The following PKD1L3 variants were observed in gnomAD, a reference collection of about 807,000 sequenced individuals.
PKD1L3 encodes the protein polycystin 1 like 3, transient receptor potential channel interacting, also known as polycystin-1-like protein 3.
In PKD1L3, 239 loss-of-function variants were observed where a neutral mutation model predicts 184.1. That is an observed-to-expected ratio of 1.30 (90% CI 1.17 to 1.45). The LOEUF (loss-of-function observed/expected upper bound fraction) is 1.45. Ranked by LOEUF, PKD1L3 falls within the 40% of genes most tolerant of loss-of-function variation. The probability of loss-of-function intolerance (pLI) is 0.00; values close to 1 mark genes in which losing one functional copy is unlikely to be tolerated. For missense variants in PKD1L3, 2,660 were observed against 2,067.2 expected (o/e 1.29, Z -5.56); for synonymous variants, 996 against 778.8 (o/e 1.28, Z -4.64).
intron 5 of PKD1L3, among the ~76,000 whole-genome samples, chr16:71,985,171 A>G (rs2040308651): frequency 6.6e-6 from 1 of 152,192 alleles, no homozygotes; most frequent in South Asian, 2.1e-4. Flanking sequence ...CCTTTTAGAT[A>G]TTCTGTACTT....
intron 21 of PKD1L3, among the ~76,000 whole-genome samples, chr16:71,949,435 C>T (rs2038744563): frequency 6.6e-6 from 1 of 151,418 alleles, no homozygotes; most frequent in African/African-American, 2.4e-5. Flanking sequence ...TTACTGCAGC[C>T]TCGACCTCCT....
intron 14 of PKD1L3, 55 bp from the exon 15 acceptor site, chr16:71,967,370 G>C (rs772348820): frequency 1.4e-5 from 21 of 1,477,026 alleles, no homozygotes; most frequent in Non-Finnish European, 1.6e-5. Flanking sequence ...AATTCTTTGG[G>C]TTTATCCCTA....
intron 15 of PKD1L3, 102 bp from the exon 16 acceptor site, chr16:71,963,453 A>G: frequency 8.1e-7 from 1 of 1,232,676 alleles, no homozygotes; most frequent in Non-Finnish European, 1.1e-6. Context: ...CAAGTAAATG[A>G]ACTGTTTCAT....
At position 71,934,037 on chromosome 16, in the gene PKD1L3, A is replaced by G. The variant is rs371806923; in HGVS notation, c.4702T>C (p.Trp1568Arg). Residue 1568 changes from tryptophan (W) to arginine (R), a missense_variant, in exon 27 of 30, where the codon TGG (tryptophan) becomes CGG (arginine). Coordinates refer to ENST00000620267, the MANE Select transcript of PKD1L3 (RefSeq NM_181536.2). ...CTGGGGCTATGACGCAGCAGGTTCC[A>G]TAACTGAACAGTTGCCAGGAGAACC... is the stretch of plus-strand genomic sequence containing the variant. ...FPVLLATVQL[W>R]NLLRHSPRLR... 102 of 1,551,874 alleles carry G rather than the reference A, an allele frequency of 6.6e-5. No homozygotes were observed. The African/African-American group carries it at 1.1e-3, about 16-fold the overall frequency.
intron 12 of PKD1L3, 36 bp from the exon 13 acceptor site, chr16:71,970,141 CAG>C: frequency 6.7e-7 from 1 of 1,502,772 alleles, no homozygotes; most frequent in East Asian, 2.5e-5. Context: ...TCTAGTCAGA[CAG>C]AGTGCTAAGG....
intron 16 of PKD1L3, among the ~76,000 whole-genome samples, chr16:71,959,817 GATTAAAA>G (rs2039200752): frequency 1.3e-5 from 2 of 151,950 alleles, no homozygotes; most frequent in Non-Finnish European, 2.9e-5. Flanking sequence ...AACCAGCAAA[GATTAAAA>G]ATACAAGAAG....
At chr16:71,932,349 G>C (rs1214819719) in intron 28 of PKD1L3, among the ~76,000 whole-genome samples, 1 of 152,224 alleles carries the variant, frequency 6.6e-6, no homozygotes, top group Non-Finnish European at 1.5e-5. Flanking sequence ...GAGGAGGAAG[G>C]CAGGGATTTC....
intron 21 of PKD1L3, among the ~76,000 whole-genome samples, chr16:71,947,921 T>TC (rs1741917904): frequency 8.4e-5 from 1 of 11,890 alleles, no homozygotes; most frequent in Non-Finnish European, 2.2e-4. Flanking sequence ...ATCCAGACTC[T>TC]TTTTTTTTTT....
At position 71,969,972 on chromosome 16, in the gene PKD1L3, T is replaced by C. The variant is rs769145828; in HGVS notation, c.2087A>G (p.Asn696Ser). The change falls in exon 13 of 30, where the codon AAC (asparagine) becomes AGC (serine). Residue 696 changes from asparagine (N) to serine (S), a missense_variant. By Grantham distance (46) the Asn-to-Ser change is conservative. Coordinates refer to ENST00000620267, the MANE Select transcript of PKD1L3 (RefSeq NM_181536.2). ...DTIKLFLRVTNNPVGVSLLAS... is the reference protein window; with the variant it reads ...DTIKLFLRVTSNPVGVSLLAS... ...CAGCAGTGACACCCCAACAGGATTG[T>C]TGGTCACGCGAAGGAACAGTTTGAT... is the stretch of plus-strand genomic sequence containing the variant. 4 of 1,551,818 alleles carry C rather than the reference T, an allele frequency of 2.6e-6. No individual in the cohort carries two copies. The highest frequency in any genetic ancestry group is 1.2e-5 in the South Asian group (1 of 84,062).
rs117877833 is a variant in PKD1L3, at chr16:71,980,475, T to C, written c.1144-341A>G. The stretch of plus-strand genomic sequence containing the variant: ...ACTCAGAGTATATAATTTAACGTTT[T>C]TTAGTATATTCACAGGATTGTGCAA... On this transcript the variant is annotated intron_variant, in intron 7 of 29. Transcript: ENST00000620267. Among the ~76,000 whole-genome samples the C allele has an allele frequency of 4.3e-3, 653 of 152,250 alleles. 1 individual carries two copies. Among genetic ancestry groups the C allele is most frequent in the Non-Finnish European group, 6.2e-3 (425 of 68,014 alleles).
chr16:71,955,103 T>A (rs527316331), intron 16 of PKD1L3, among the ~76,000 whole-genome samples: 17 of 152,252 alleles, frequency 1.1e-4, no homozygotes, highest in Non-Finnish European at 1.8e-4. Flanking sequence ...CATGACAAGA[T>A]CTGCAATACT....
chr16:71,990,167 T>G (rs759626215), intron 4 of PKD1L3, 113 bp downstream of exon 4: 98 of 860,236 alleles, frequency 1.1e-4, no homozygotes, highest in Non-Finnish European at 1.6e-4. Context: ...TTTATTTTCC[T>G]TATTAGAAAA....
Position 71,984,002 on chromosome 16 carries a change from C to T in PKD1L3, c.966+34G>A, listed in dbSNP as rs779631963. 18 of 1,549,336 alleles carry T rather than the reference C, an allele frequency of 1.2e-5. No homozygotes were observed. The South Asian group carries it at 2.1e-4, about 18-fold the overall frequency. On this transcript the variant is annotated intron_variant, in intron 6 of 29. Coordinates refer to ENST00000620267, the MANE Select transcript of PKD1L3 (RefSeq NM_181536.2). ...TCTGTTTTCCGCTTTTCCCTCTCTC[C>T]TACCTTCTTCCCTCCCAGTCACCCT...
chr16:71,947,844 C>G (rs2038678131), intron 21 of PKD1L3, among the ~76,000 whole-genome samples: 1 of 151,946 alleles, frequency 6.6e-6, no homozygotes, highest in Non-Finnish European at 1.5e-5. Flanking sequence ...GGAGCTTACA[C>G]TGTCAAACGA....
intron 9 of PKD1L3, among the ~76,000 whole-genome samples, chr16:71,979,552 C>A (rs1217191975): frequency 6.6e-6 from 1 of 152,182 alleles, no homozygotes; most frequent in Non-Finnish European, 1.5e-5. Context: ...ATTCAAATTA[C>A]AACACAAATT....
Position 71,980,117 on chromosome 16 carries a change from T to C in PKD1L3, c.1161A>G (p.Glu387=). Residue 387 remains glutamate (E), a synonymous_variant, in exon 8 of 30, where the codon GAA becomes GAG. Coordinates refer to ENST00000620267, the MANE Select transcript of PKD1L3 (RefSeq NM_181536.2). ...RHTEPVEDIL[E]MSLVEFGNIG... ...TATTCCCAAACTCCACCAAGGACAT[T>C]TCCAGGATGTCTTCTACCTGCATGG... 1.3e-6 allele frequency: 2 copies of C among 1,551,656 alleles called. No homozygotes were observed. Among genetic ancestry groups the C allele is most frequent in the Middle Eastern group, 1.7e-4 (1 of 5,992 alleles).
intron 21 of PKD1L3, among the ~76,000 whole-genome samples, chr16:71,949,020 C>A (rs1016077323): frequency 2.0e-5 from 3 of 151,862 alleles, no homozygotes; most frequent in Admixed American, 2.0e-4. Context: ...GTCTGAAGTA[C>A]ATGAAATGGA....
chr16:71,944,133 C>T lies in PKD1L3; in HGVS notation c.3756G>A (p.Lys1252=). ...CTGGGGCTACATAGACGGGGTTGTT[C>T]TTATCTCTTGAACCTGGTACTGACG... is the stretch of plus-strand genomic sequence containing the variant. ...CSSSVPGSRD[K]NNPVYVAPAI... Residue 1252 remains lysine (K), a synonymous_variant, in exon 23 of 30, where the codon AAG becomes AAA. Coordinates refer to ENST00000620267, the MANE Select transcript of PKD1L3 (RefSeq NM_181536.2). 1.3e-6 allele frequency: 2 copies of T among 1,551,302 alleles called. No individual in the cohort carries two copies. Among genetic ancestry groups the T allele is most frequent in the Non-Finnish European group, 8.7e-7 (1 of 1,146,606 alleles).
chr16:71,987,322 G>A (rs1317132854), intron 4 of PKD1L3, among the ~76,000 whole-genome samples: 2 of 151,916 alleles, frequency 1.3e-5, no homozygotes, highest in African/African-American at 4.8e-5. Context: ...CTGGGTTCAG[G>A]TAATCCTCCT....
Sources: allele counts gnomAD v4.1 joint callset (sites outside exome capture counted in the v4.1 genomes callset), GRCh38; gene constraint gnomAD v4.1.1; transcripts MANE v1.5; gene names NCBI Gene and HGNC (gene_info 2026-07-23, HGNC 2026-07-21).